Variants in KIFAP3 observed in about 807,000 individuals in gnomAD.
KIFAP3 encodes the protein kinesin-associated protein 3.
A neutral mutation model predicts 106.5 loss-of-function variants in KIFAP3; 68 were observed. The observed-to-expected ratio is 0.64, with a 90% CI of 0.53 to 0.78. The LOEUF (loss-of-function observed/expected upper bound fraction) is 0.78, where lower values mean the gene tolerates loss of function less well. Among genes scored for constraint, KIFAP3 ranks in the 30% least tolerant of loss-of-function variants. The pLI is 0.00. For missense variants in KIFAP3, 780 were observed against 941.8 expected (o/e 0.83, Z 2.25); for synonymous variants, 320 against 311.5 (o/e 1.03, Z -0.29).
At chr1:169,943,775 GA>G (rs1227687939) in intron 19 of KIFAP3, among the ~76,000 whole-genome samples, 2 of 152,010 alleles carry the variant, frequency 1.3e-5, no homozygotes, top group Non-Finnish European at 2.9e-5. Flanking sequence ...CAATACATGT[GA>G]AAAGTATATG....
chr1:170,026,829 G>C (rs531870051), intron 8 of KIFAP3, among the ~76,000 whole-genome samples: 4 of 152,138 alleles, frequency 2.6e-5, no homozygotes, highest in African/African-American at 9.7e-5. Context: ...TCTTACCTCC[G>C]TAGTGGGAAA....
chr1:170,072,285 C>A (rs1044763385), intron 1 of KIFAP3, among the ~76,000 whole-genome samples: 2 of 152,094 alleles, frequency 1.3e-5, no homozygotes, highest in African/African-American at 4.8e-5. Context: ...TTGCTGAGTG[C>A]TGGGAATACA....
chr1:170,055,194 C>T, intron 2 of KIFAP3, 111 bp downstream of exon 2: 2 of 867,154 alleles, frequency 2.3e-6, no homozygotes, highest in South Asian at 2.0e-5. Context: ...ATGAAGTATG[C>T]CTGGAAGAAT....
intron 2 of KIFAP3, among the ~76,000 whole-genome samples, chr1:170,050,274 G>A (rs1042345807): frequency 6.6e-5 from 10 of 152,188 alleles, no homozygotes; most frequent in East Asian, 1.9e-4. Flanking sequence ...GAAATAAGGC[G>A]TGAAGACAAG....
intron 17 of KIFAP3, among the ~76,000 whole-genome samples, chr1:169,964,674 A>G (rs1326291816): frequency 6.6e-6 from 1 of 152,126 alleles, no homozygotes; most frequent in Non-Finnish European, 1.5e-5. Flanking sequence ...GAGTTGAAAA[A>G]TAATATGCAC....
chr1:170,061,671 A>C (rs370722253), intron 1 of KIFAP3, among the ~76,000 whole-genome samples: 9,717 of 152,174 alleles, frequency 0.064, 401 homozygotes, highest in Non-Finnish European at 0.095. Flanking sequence ...GGGTATATAC[A>C]CAAAGGATTA....
intron 1 of KIFAP3, among the ~76,000 whole-genome samples, chr1:170,061,395 A>C (rs907888744): frequency 2.0e-5 from 3 of 152,254 alleles, no homozygotes; most frequent in African/African-American, 4.8e-5. Flanking sequence ...TTATGCAGCC[A>C]AAAGACACAT....
intron 16 of KIFAP3, 29 bp downstream of exon 16, chr1:169,978,056 G>A (rs367937204): frequency 7.5e-7 from 1 of 1,327,772 alleles, no homozygotes; most frequent in African/African-American, 1.5e-5. Flanking sequence ...GTGAAATATT[G>A]TTATCTACGG....
intron 19 of KIFAP3, among the ~76,000 whole-genome samples, chr1:169,928,264 T>TA (rs1311156990): frequency 2.0e-5 from 3 of 151,988 alleles, no homozygotes; most frequent in African/African-American, 7.2e-5. Context: ...CACACCCAGC[T>TA]AATTTTTGTA....
At chr1:169,963,063 T>A (rs1014170418) in intron 17 of KIFAP3, among the ~76,000 whole-genome samples, 6 of 152,158 alleles carry the variant, frequency 3.9e-5, no homozygotes, top group African/African-American at 1.4e-4. Flanking sequence ...GTAATAAGCA[T>A]AGTACCAAAT....
chr1:170,074,939 A>G (rs1007239307), upstream of KIFAP3, among the ~76,000 whole-genome samples: 1 of 152,224 alleles, frequency 6.6e-6, no homozygotes, highest in Non-Finnish European at 1.5e-5. Flanking sequence ...TAGTTAGCGA[A>G]TGCTATACAG....
chr1:170,001,970 G>A (rs886361111), intron 10 of KIFAP3, among the ~76,000 whole-genome samples: 9 of 151,990 alleles, frequency 5.9e-5, no homozygotes, highest in African/African-American at 2.2e-4. Flanking sequence ...TAAAATTGTG[G>A]AAAAATTTCA....
chr1:169,945,749 G>C (rs1314805992), intron 19 of KIFAP3, among the ~76,000 whole-genome samples: 1 of 152,076 alleles, frequency 6.6e-6, no homozygotes, highest in Non-Finnish European at 1.5e-5. Flanking sequence ...TTCAACTCAG[G>C]ACTATAATTT....
chr1:170,054,467 C>T (rs777960580), intron 2 of KIFAP3, among the ~76,000 whole-genome samples: 1 of 152,040 alleles, frequency 6.6e-6, no homozygotes, highest in Non-Finnish European at 1.5e-5. Context: ...GGGCATATAC[C>T]CAAAATATTA....
intron 19 of KIFAP3, among the ~76,000 whole-genome samples, chr1:169,939,981 A>C (rs1038356249): frequency 2.6e-5 from 4 of 152,224 alleles, no homozygotes; most frequent in African/African-American, 9.6e-5. Context: ...ATGTGGGGCC[A>C]AAGAGTTTAA....
At chr1:170,075,939 C>T (rs1207503385), upstream of KIFAP3, among the ~76,000 whole-genome samples, 1 of 152,096 alleles carries the variant, frequency 6.6e-6, no homozygotes, top group Non-Finnish European at 1.5e-5. Flanking sequence ...AATATTAATT[C>T]TGCAAACTAA....
intron 2 of KIFAP3, 86 bp from the exon 3 acceptor site, chr1:170,046,952 A>G (rs1242176344): frequency 9.5e-6 from 7 of 734,018 alleles, no homozygotes; most frequent in Non-Finnish European, 1.4e-5. Flanking sequence ...TATAGATTAT[A>G]AATTATTATA....
At chr1:169,938,897 A>T (rs1234111051) in intron 19 of KIFAP3, among the ~76,000 whole-genome samples, 1 of 152,198 alleles carries the variant, frequency 6.6e-6, no homozygotes, top group Non-Finnish European at 1.5e-5. Context: ...GAACTTGGTG[A>T]ATGTCTGGGG....
chr1:169,971,977 A>C (rs1665947678), intron 17 of KIFAP3, among the ~76,000 whole-genome samples: 1 of 151,960 alleles, frequency 6.6e-6, no homozygotes, highest in Non-Finnish European at 1.5e-5. Context: ...CTAACTCAAC[A>C]CTTAGATCAT....
Sources: gnomAD v4.1 joint callset for allele counts (sites outside exome capture counted in the v4.1 genomes callset) on GRCh38, gnomAD v4.1.1 for gene constraint, MANE v1.5 for transcripts, NCBI Gene and HGNC (gene_info 2026-07-23, HGNC 2026-07-21) for gene names.